Variants in DOCK11 observed in about 807,000 individuals in gnomAD.
DOCK11 encodes dedicator of cytokinesis 11.
A neutral mutation model predicts 169.1 loss-of-function variants in DOCK11; 70 were observed. The observed-to-expected ratio is 0.41, with a 90% CI of 0.34 to 0.51. DOCK11 has a LOEUF of 0.51. DOCK11 is among the 20% of genes least tolerant of loss of function. The probability of loss-of-function intolerance (pLI) is 0.10; values close to 1 mark genes in which losing one functional copy is unlikely to be tolerated. For synonymous variants in DOCK11, 529 were observed against 541.3 expected (o/e 0.98, Z 0.32); for missense variants, 1,166 against 1,538.8 (o/e 0.76, Z 4.05).
chrX:118,583,992 A>G (rs1231155209), intron 14 of DOCK11, among the ~76,000 whole-genome samples: 1 of 111,769 alleles, frequency 8.9e-6, no homozygotes, highest in Non-Finnish European at 1.9e-5. Context: ...GTGGATACAG[A>G]GAACCGACTC....
At chrX:118,665,733 A>G (rs1443994088) in intron 45 of DOCK11, among the ~76,000 whole-genome samples, 1 of 112,245 alleles carries the variant, frequency 8.9e-6, no homozygotes, top group Non-Finnish European at 1.9e-5. Flanking sequence ...ACCCTAGCCA[A>G]TTAAAAAAAC....
At chrX:118,607,518 T>C (rs1356539839) in intron 24 of DOCK11, among the ~76,000 whole-genome samples, 1 of 100,373 alleles carries the variant, frequency 1.0e-5, no homozygotes, top group Non-Finnish European at 2.0e-5. Flanking sequence ...GCCTCCTGGG[T>C]TCACGCCATT....
At chrX:118,514,604 C>G (rs1251909423) in intron 1 of DOCK11, among the ~76,000 whole-genome samples, 2 of 111,811 alleles carry the variant, frequency 1.8e-5, no homozygotes, top group East Asian at 5.6e-4. Context: ...AGGACCATCC[C>G]ACCTTTGAAG....
intron 1 of DOCK11, among the ~76,000 whole-genome samples, chrX:118,529,126 G>A (rs745518587): frequency 2.8e-4 from 31 of 109,411 alleles, no homozygotes; most frequent in African/African-American, 9.0e-4. Flanking sequence ...GACTACAGGC[G>A]CGTGCCACCA....
At chrX:118,574,491 C>T (rs1364898633) in intron 12 of DOCK11, among the ~76,000 whole-genome samples, 2 of 111,355 alleles carry the variant, frequency 1.8e-5, no homozygotes, top group Non-Finnish European at 3.8e-5. Context: ...ATCGCTTGAA[C>T]CCAGGAGGTG....
rs539494661 is a variant in DOCK11, at chrX:118,573,731, T to C, written c.1177-75T>C. ...AGAAACTGGAGGAATACAAAACTTA[T>C]TTTGCACTTGTGCCCCTCCCCGCCA... On this transcript the variant is annotated intron_variant, in intron 11 of 52. Coordinates refer to ENST00000276202, the MANE Select transcript of DOCK11 (RefSeq NM_144658.4). 3.6e-6 allele frequency: 3 copies of C among 844,918 alleles called. No individual in the cohort carries two copies. The African/African-American group carries it at 6.1e-5, about 17-fold the overall frequency. The allele number at this position is 844,918 out of a possible 1,213,427, so 69.6% of individuals were successfully genotyped here.
intron 42 of DOCK11, among the ~76,000 whole-genome samples, chrX:118,652,320 G>C (rs760981338): frequency 6.3e-5 from 7 of 111,076 alleles, no homozygotes; most frequent in Non-Finnish European, 1.3e-4. Flanking sequence ...TGTATTCATA[G>C]TTGTTATGGC....
At chrX:118,593,502 A>G (rs778362527) in intron 20 of DOCK11, among the ~76,000 whole-genome samples, 165 bp downstream of exon 20, 7 of 112,201 alleles carry the variant, frequency 6.2e-5, no homozygotes, top group Non-Finnish European at 1.3e-4. Context: ...GACTGGGAAG[A>G]AAAAGAAGTT....
At chrX:118,564,693 CTTTCTGTT>C (rs1300594587) in intron 7 of DOCK11, among the ~76,000 whole-genome samples, 4 of 94,919 alleles carry the variant, frequency 4.2e-5, no homozygotes, top group Non-Finnish European at 8.6e-5. Flanking sequence ...CTCTTTCTTT[CTTTCTGTT>C]TCTTTCTCTT....
chrX:118,512,585 C>A (rs777492676), intron 1 of DOCK11, among the ~76,000 whole-genome samples: 36 of 111,834 alleles, frequency 3.2e-4, no homozygotes, highest in Admixed American at 7.6e-4. Flanking sequence ...TACTTGTATG[C>A]CATTCAGCAT....
chrX:118,602,303 A>G (rs920090368), intron 23 of DOCK11, among the ~76,000 whole-genome samples: 11 of 110,008 alleles, frequency 1.0e-4, no homozygotes, highest in African/African-American at 3.6e-4. Context: ...AGCTCTTGTT[A>G]TATATTTAGT....
intron 44 of DOCK11, among the ~76,000 whole-genome samples, chrX:118,658,083 TG>T (rs1340941446): frequency 1.8e-5 from 2 of 111,622 alleles, no homozygotes; most frequent in African/African-American, 6.5e-5. Context: ...TACATTTGAG[TG>T]CAGAACTGAA....
At chrX:118,506,859 G>A (rs2057616029) in intron 1 of DOCK11, among the ~76,000 whole-genome samples, 1 of 111,331 alleles carries the variant, frequency 9.0e-6, no homozygotes, top group Non-Finnish European at 1.9e-5. Context: ...TGAGGTAGGA[G>A]GATTGTTTGA....
At chrX:118,671,856 A>G (rs1454428321) in intron 46 of DOCK11, among the ~76,000 whole-genome samples, 1 of 111,741 alleles carries the variant, frequency 8.9e-6, no homozygotes, top group Non-Finnish European at 1.9e-5. Context: ...TCTTTGTATT[A>G]TTAGTAGAGA....
chrX:118,563,711 T>G (rs1378087344), intron 7 of DOCK11, among the ~76,000 whole-genome samples: 1 of 107,626 alleles, frequency 9.3e-6, no homozygotes, highest in Non-Finnish European at 1.9e-5. Flanking sequence ...AATTTTTTTC[T>G]TTTCTTTTTT....
At chrX:118,522,191 GC>G (rs1644711310) in intron 1 of DOCK11, among the ~76,000 whole-genome samples, 1 of 110,566 alleles carries the variant, frequency 9.0e-6, no homozygotes, top group South Asian at 3.9e-4. Context: ...GTGGTGGCGG[GC>G]ACCTGTAGTC....
intron 23 of DOCK11, among the ~76,000 whole-genome samples, chrX:118,603,224 A>G (rs1054528117): frequency 5.3e-5 from 6 of 112,978 alleles, no homozygotes; most frequent in African/African-American, 1.6e-4. Flanking sequence ...CCGTGTAGCT[A>G]TAGTACAGTG....
At chrX:118,650,816 C>T (rs767676853) in intron 41 of DOCK11, among the ~76,000 whole-genome samples, 1 of 111,859 alleles carries the variant, frequency 8.9e-6, no homozygotes, top group South Asian at 3.7e-4. Context: ...AGACTTAGAA[C>T]ACTGTCTGGC....
At chrX:118,497,720 T>C (rs1197147313) in intron 1 of DOCK11, among the ~76,000 whole-genome samples, 1 of 112,024 alleles carries the variant, frequency 8.9e-6, no homozygotes, top group African/African-American at 3.2e-5. Context: ...CAGAGAACGC[T>C]TTCCTAAATT....
Sources: allele counts gnomAD v4.1 joint callset (sites outside exome capture counted in the v4.1 genomes callset), GRCh38; gene constraint gnomAD v4.1.1; transcripts MANE v1.5; gene names NCBI Gene and HGNC (gene_info 2026-07-23, HGNC 2026-07-21).